WDR7: variants seen among roughly 807,000 people sequenced by gnomAD.
The protein encoded by WDR7 is WD repeat-containing protein 7.
In WDR7, 46 loss-of-function variants were observed where a neutral mutation model predicts 169.4. The observed-to-expected ratio is 0.27, with a 90% confidence interval of 0.21 to 0.35. The LOEUF is 0.35. WDR7 is among the 10% of genes least tolerant of loss of function. The pLI is 1.00. For missense variants in WDR7, 1,534 were observed against 1,859.3 expected (o/e 0.83, Z 3.22); for synonymous variants, 612 against 666.8 (o/e 0.92, Z 1.27).
At chr18:56,972,922 C>T (rs569678884) in intron 26 of WDR7, among the ~76,000 whole-genome samples, 15 of 152,114 alleles carry the variant, frequency 9.9e-5, no homozygotes, top group African/African-American at 3.6e-4. Flanking sequence ...GGAATGCAGT[C>T]GTGCAATCTC....
intron 25 of WDR7, among the ~76,000 whole-genome samples, chr18:56,948,967 T>C (rs1230188385): frequency 1.3e-5 from 2 of 152,322 alleles, no homozygotes; most frequent in African/African-American, 4.8e-5. Context: ...GAAGTGTATT[T>C]TGTTCTCTTG....
intron 20 of WDR7, among the ~76,000 whole-genome samples, chr18:56,820,742 A>G (rs76505262): frequency 0.02 from 3,091 of 152,282 alleles, 107 homozygotes; most frequent in African/African-American, 0.068. Context: ...CCTGTCTTAC[A>G]GTAAATTGAT....
intron 14 of WDR7, among the ~76,000 whole-genome samples, chr18:56,739,530 G>A (rs2043580704): frequency 6.6e-6 from 1 of 151,894 alleles, no homozygotes; most frequent in Non-Finnish European, 1.5e-5. Flanking sequence ...TTTAAACTCT[G>A]TTCTTTTTGT....
intron 1 of WDR7, among the ~76,000 whole-genome samples, chr18:56,654,397 T>C (rs1325644999): frequency 6.6e-6 from 1 of 152,240 alleles, no homozygotes. Context: ...CCCAAAGTGC[T>C]GGGATTACAG....
At chr18:57,026,314 A>G (rs2145955969) in intron 27 of WDR7, among the ~76,000 whole-genome samples, 1 of 152,368 alleles carries the variant, frequency 6.6e-6, no homozygotes, top group South Asian at 2.1e-4. Flanking sequence ...TCAATTGATA[A>G]AAAGGTATTG....
chr18:56,806,758 C>G (rs904552343), intron 19 of WDR7, among the ~76,000 whole-genome samples: 1 of 152,130 alleles, frequency 6.6e-6, no homozygotes, highest in Non-Finnish European at 1.5e-5. Context: ...ACTTTTGTGT[C>G]TCTAATCTCT....
intron 19 of WDR7, among the ~76,000 whole-genome samples, chr18:56,792,713 C>T (rs2044511734): frequency 6.7e-6 from 1 of 148,766 alleles, no homozygotes; most frequent in Non-Finnish European, 1.5e-5. Context: ...TTGAAAACTG[C>T]TTAATTATCT....
intron 1 of WDR7, among the ~76,000 whole-genome samples, chr18:56,663,883 A>G (rs1208489133): frequency 3.9e-5 from 6 of 152,042 alleles, no homozygotes; most frequent in Non-Finnish European, 7.4e-5. Flanking sequence ...AACAACAACA[A>G]CATGAGGTAA....
At chr18:56,998,719 C>G (rs2047933416) in intron 26 of WDR7, among the ~76,000 whole-genome samples, 1 of 152,074 alleles carries the variant, frequency 6.6e-6, no homozygotes. Flanking sequence ...ATTAAATGTA[C>G]TAAATTGTGT....
At chr18:56,681,182 A>G in intron 3 of WDR7, 131 bp from the exon 4 acceptor site, 1 of 698,132 alleles carries the variant, frequency 1.4e-6, no homozygotes, top group South Asian at 1.9e-5. Context: ...GATGAACAAC[A>G]GTAATAACTG....
intron 25 of WDR7, among the ~76,000 whole-genome samples, chr18:56,958,503 A>G (rs560823950): frequency 1.3e-5 from 2 of 152,178 alleles, no homozygotes; most frequent in Admixed American, 1.3e-4. Flanking sequence ...AATATATTTT[A>G]TTGTGTATAT....
chr18:56,942,716 G>A (rs896752505), intron 25 of WDR7, among the ~76,000 whole-genome samples: 1 of 152,070 alleles, frequency 6.6e-6, no homozygotes, highest in Non-Finnish European at 1.5e-5. Flanking sequence ...TTATAGGTCA[G>A]TTTTCAAGAA....
rs147940588 is a variant in WDR7, at chr18:56,954,139, A to G, written c.4065-8291A>G. 8.2e-4 allele frequency among the ~76,000 whole-genome samples: 125 copies of G among 152,366 alleles called. 3 individuals carry two copies. In the East Asian group the frequency reaches 0.023, roughly 28 times the overall value. ...CTAATTTACTTAAGATGTTACTTCT[A>G]TATTCACAAGTAGAAATCCCTCTAA... On this transcript the variant is annotated intron_variant, in intron 25 of 27. Transcript: ENST00000254442.
chr18:56,926,975 T>C (rs2046817285), intron 22 of WDR7, among the ~76,000 whole-genome samples: 1 of 152,208 alleles, frequency 6.6e-6, no homozygotes, highest in South Asian at 2.1e-4. Flanking sequence ...ATTTACTGTG[T>C]ACACAGTAAC....
chr18:57,000,455 T>C (rs2047960137), intron 26 of WDR7, among the ~76,000 whole-genome samples: 1 of 152,208 alleles, frequency 6.6e-6, no homozygotes, highest in South Asian at 2.1e-4. Context: ...TTTGTTGGGT[T>C]ATTTTAGCTA....
At chr18:56,704,227 A>C (rs932528212) in intron 12 of WDR7, among the ~76,000 whole-genome samples, 1 of 152,078 alleles carries the variant, frequency 6.6e-6, no homozygotes, top group African/African-American at 2.4e-5. Context: ...CTACTATTCT[A>C]TACTATTGTT....
At chr18:56,685,166 G>T (rs761571217) in intron 5 of WDR7, among the ~76,000 whole-genome samples, 2 of 152,160 alleles carry the variant, frequency 1.3e-5, no homozygotes, top group African/African-American at 4.8e-5. Context: ...TTAAATAACA[G>T]TAATAACTCA....
intron 19 of WDR7, among the ~76,000 whole-genome samples, chr18:56,794,738 A>G (rs1360671718): frequency 1.3e-5 from 2 of 152,170 alleles, no homozygotes; most frequent in African/African-American, 2.4e-5. Context: ...TAATTTTTTC[A>G]AAGTTTGTTT....
At chr18:56,697,499 T>G (rs545763477) in intron 12 of WDR7, among the ~76,000 whole-genome samples, 4 of 152,220 alleles carry the variant, frequency 2.6e-5, no homozygotes, top group Non-Finnish European at 5.9e-5. Context: ...GTTCTCTTCC[T>G]TCTTTTTTAT....
Sources: gnomAD v4.1 joint callset for allele counts (sites outside exome capture counted in the v4.1 genomes callset) on GRCh38, gnomAD v4.1.1 for gene constraint, MANE v1.5 for transcripts, NCBI Gene and HGNC (gene_info 2026-07-23, HGNC 2026-07-21) for gene names.